Variants in ABHD5 observed in about 807,000 individuals in gnomAD.
The protein encoded by ABHD5 is 1-acylglycerol-3-phosphate O-acyltransferase ABHD5.
Under a neutral mutation model 44.9 loss-of-function variants are expected in ABHD5, and 30 were observed. The ratio of observed to expected loss-of-function variants is 0.67; its 90% CI spans 0.50 to 0.91. The LOEUF (loss-of-function observed/expected upper bound fraction) is 0.91, where lower values mean the gene tolerates loss of function less well. Ranked by LOEUF, ABHD5 falls within the 40% of genes least tolerant of loss-of-function variation. The probability of loss-of-function intolerance (pLI) is 0.00; values close to 1 mark genes in which losing one functional copy is unlikely to be tolerated. For missense variants in ABHD5, 399 were observed against 423.4 expected (o/e 0.94, Z 0.50); for synonymous variants, 167 against 147.0 (o/e 1.14, Z -0.99).
In ABHD5 at chr3:43,702,293, A is replaced by C. The variant is rs1460417357; in HGVS notation, c.212A>C (p.Asn71Thr). 1 of 1,605,488 alleles carries C rather than the reference A, an allele frequency of 6.2e-7. No homozygotes were observed. Among genetic ancestry groups the C allele is most frequent in the African/African-American group, 1.3e-5 (1 of 74,568 alleles). Reference protein sequence around the residue: ...NKIWTLKFSHNISNKTPLVLL... With the variant: ...NKIWTLKFSHTISNKTPLVLL... ...ATATGGACACTGAAGTTCTCTCATA[A>C]TATTTCAAATAAGACTCCACTTGTC... Residue 71 changes from asparagine (N) to threonine (T), a missense_variant, in exon 3 of 7, where the codon AAT (asparagine) becomes ACT (threonine). Coordinates refer to ENST00000644371, the MANE Select transcript of ABHD5 (RefSeq NM_016006.6).
chr3:43,690,959 C>G lies in ABHD5; in HGVS notation c.-34C>G, dbSNP rs774867019. 21 of 1,555,418 alleles carry G rather than the reference C, an allele frequency of 1.4e-5. No individual in the cohort carries two copies. Among genetic ancestry groups the G allele is most frequent in the Middle Eastern group, 3.4e-4 (2 of 5,806 alleles). On this transcript the variant is annotated 5_prime_UTR_variant, in exon 1 of 7. Coordinates refer to ENST00000644371, the MANE Select transcript of ABHD5 (RefSeq NM_016006.6). Reference sequence around the variant, plus strand: ...GCCCAGTCGGCCTGTCAGCCGGCTTCGAGATAAGTCCCGGCGCTTGCGCGG... The same window carrying G: ...GCCCAGTCGGCCTGTCAGCCGGCTTGGAGATAAGTCCCGGCGCTTGCGCGG...
At chr3:43,730,840 G>GT (rs1278190619) in intron 7 of ABHD5, among the ~76,000 whole-genome samples, 1 of 150,792 alleles carries the variant, frequency 6.6e-6, no homozygotes, top group Non-Finnish European at 1.5e-5. Context: ...TTGTTTGTTT[G>GT]TTTTTTGAGA....
At position 43,730,375 on chromosome 3, in the gene ABHD5, C is replaced by A. The variant is rs115495052; in HGVS notation, c.*30-3505C>A. Among the ~76,000 whole-genome samples the A allele has an allele frequency of 4.8e-3, 723 of 152,072 alleles. 6 individuals are homozygous for A. Among genetic ancestry groups the A allele is most frequent in the African/African-American group, 0.017 (690 of 41,464 alleles). On this transcript the variant is annotated intron_variant, in intron 7 of 7. Transcript: ENST00000454293. ...AAGGAAACCTTGCTGACTAAGTAGACAGTATGAAAAACACTGGTGAGAGAC... is the reference window on the plus strand; with the variant it reads ...AAGGAAACCTTGCTGACTAAGTAGAAAGTATGAAAAACACTGGTGAGAGAC...
chr3:43,709,203 T>C (rs1223362860), intron 3 of ABHD5, among the ~76,000 whole-genome samples: 1 of 152,242 alleles, frequency 6.6e-6, no homozygotes, highest in Non-Finnish European at 1.5e-5. Flanking sequence ...TGCTAGGTTA[T>C]GAAGACATAG....
intron 7 of ABHD5, among the ~76,000 whole-genome samples, chr3:43,730,065 A>G (rs2084903249): frequency 6.6e-6 from 1 of 152,244 alleles, no homozygotes; most frequent in Non-Finnish European, 1.5e-5. Flanking sequence ...TTTTATAAGA[A>G]ATGACATTTA....
intron 3 of ABHD5, among the ~76,000 whole-genome samples, chr3:43,705,559 A>C (rs769655266): frequency 1.3e-5 from 2 of 152,244 alleles, no homozygotes; most frequent in Non-Finnish European, 2.9e-5. Flanking sequence ...AAGTGTGTTA[A>C]ATCTACTAAA....
downstream of ABHD5, among the ~76,000 whole-genome samples, chr3:43,723,520 A>G (rs1425565048): frequency 6.6e-6 from 1 of 152,222 alleles, no homozygotes; most frequent in African/African-American, 2.4e-5. Flanking sequence ...AAAAAGGAAC[A>G]ATGAGACATG....
intron 3 of ABHD5, among the ~76,000 whole-genome samples, chr3:43,705,513 A>G (rs2084607644): frequency 6.6e-6 from 1 of 152,340 alleles, no homozygotes; most frequent in East Asian, 1.9e-4. Flanking sequence ...AAGCAAATTG[A>G]CCAGCCATTT....
At chr3:43,699,227 G>A (rs1311216056) in intron 1 of ABHD5, 49 bp from the exon 2 acceptor site, 2 of 1,481,028 alleles carry the variant, frequency 1.4e-6, no homozygotes, top group East Asian at 2.3e-5. Flanking sequence ...ATTGGTAGTT[G>A]AGAAGAGCAT....
At chr3:43,710,373 T>G (rs774812194) in intron 3 of ABHD5, among the ~76,000 whole-genome samples, 4 of 152,228 alleles carry the variant, frequency 2.6e-5, no homozygotes, top group Non-Finnish European at 4.4e-5. Context: ...TTAGCCTATT[T>G]TTAGAAAATA....
chr3:43,701,179 A>T (rs2084538184), intron 2 of ABHD5, among the ~76,000 whole-genome samples: 1 of 152,212 alleles, frequency 6.6e-6, no homozygotes, highest in Non-Finnish European at 1.5e-5. Flanking sequence ...GGGAATACAC[A>T]GACGTATGTG....
chr3:43,729,886 C>G lies in ABHD5; in HGVS notation c.*30-3994C>G, dbSNP rs139257274. ...TCATAAGCTATTTAGGAGTCTGTTT[C>G]TGTCTATGGTTCCTTTGTGTGCTCT... is the stretch of plus-strand genomic sequence containing the variant. On this transcript the variant is annotated intron_variant, in intron 7 of 7. Coordinates refer to the ABHD5 transcript ENST00000454293. 1.7e-4 allele frequency among the ~76,000 whole-genome samples: 26 copies of G among 152,258 alleles called. No individual in the cohort carries two copies. The East Asian group carries it at 5.0e-3, about 29-fold the overall frequency.
At chr3:43,698,875 A>G (rs1315203939) in intron 1 of ABHD5, among the ~76,000 whole-genome samples, 1 of 152,206 alleles carries the variant, frequency 6.6e-6, no homozygotes, top group Non-Finnish European at 1.5e-5. Context: ...GGTACCTTTT[A>G]TATTCACTGT....
At chr3:43,696,633 A>G (rs1008384716) in intron 1 of ABHD5, among the ~76,000 whole-genome samples, 1 of 152,218 alleles carries the variant, frequency 6.6e-6, no homozygotes, top group Admixed American at 6.5e-5. Context: ...ACAGGAATCA[A>G]CTAAAGGGTG....
chr3:43,695,762 G>A (rs74413129), intron 1 of ABHD5, among the ~76,000 whole-genome samples: 1,558 of 152,226 alleles, frequency 0.01, 16 homozygotes, highest in Middle Eastern at 0.054. Flanking sequence ...GAAGGATTAC[G>A]TAAAAAGTTA....
intron 7 of ABHD5, among the ~76,000 whole-genome samples, chr3:43,732,146 G>C (rs180933099): frequency 7.9e-5 from 12 of 152,232 alleles, no homozygotes; most frequent in African/African-American, 2.9e-4. Flanking sequence ...GAATAGAGGG[G>C]AGGGCTTGGC....
chr3:43,704,334 C>G (rs190716731), intron 3 of ABHD5, among the ~76,000 whole-genome samples: 9 of 152,162 alleles, frequency 5.9e-5, no homozygotes, highest in Admixed American at 5.9e-4. Context: ...CCACCGCACC[C>G]GCTGGTGTTA....
rs1163698912 is a variant in ABHD5, at chr3:43,721,689, CAG to C, written c.*3161_*3162del. On this transcript the variant is annotated 3_prime_UTR_variant, in exon 7 of 7. Coordinates refer to ENST00000644371, the MANE Select transcript of ABHD5 (RefSeq NM_016006.6). ...AGCCACTGCACTCCAGCCTGGGTGA[CAG>C]AGAAGAAAAAAGATTTTTTTGGATA... is the stretch of plus-strand genomic sequence containing the variant. 1 of 151,838 alleles carries C rather than the reference CAG, an allele frequency of 6.6e-6. No individual in the cohort carries two copies. Among genetic ancestry groups the C allele is most frequent in the Non-Finnish European group, 1.5e-5 (1 of 67,996 alleles). 9.4% of individuals were successfully genotyped at this position (151,838 alleles called of 1,614,324 possible).
intron 1 of ABHD5, among the ~76,000 whole-genome samples, chr3:43,698,649 C>T (rs1306483558): frequency 6.6e-6 from 1 of 152,142 alleles, no homozygotes; most frequent in Non-Finnish European, 1.5e-5. Flanking sequence ...ATGCTTTGGT[C>T]GTTCTGTTCA....
Sources: allele counts gnomAD v4.1 joint callset (sites outside exome capture counted in the v4.1 genomes callset), GRCh38; gene constraint gnomAD v4.1.1; transcripts MANE v1.5; gene names NCBI Gene and HGNC (gene_info 2026-07-23, HGNC 2026-07-21).